CAB39L: variants seen among roughly 807,000 people sequenced by gnomAD.
CAB39L encodes calcium-binding protein 39-like.
In CAB39L, 23 loss-of-function variants were observed where a neutral mutation model predicts 39.1. That is an observed-to-expected ratio of 0.59 (90% CI 0.42 to 0.83). CAB39L has a LOEUF of 0.83. Among genes scored for constraint, CAB39L ranks in the 40% least tolerant of loss-of-function variants. The probability of loss-of-function intolerance (pLI) is 0.00; values close to 1 mark genes in which losing one functional copy is unlikely to be tolerated. For synonymous variants in CAB39L, 126 were observed against 137.2 expected (o/e 0.92, Z 0.57); for missense variants, 366 against 391.9 (o/e 0.93, Z 0.56).
intron 10 of CAB39L, among the ~76,000 whole-genome samples, chr13:49,314,012 C>T (rs1036416354): frequency 6.6e-6 from 1 of 152,144 alleles, no homozygotes; most frequent in African/African-American, 2.4e-5. Flanking sequence ...ATTACATTTC[C>T]GGGTTTGGAA....
At chr13:49,411,858 C>A (rs574336809) in intron 3 of CAB39L, among the ~76,000 whole-genome samples, 3 of 152,160 alleles carry the variant, frequency 2.0e-5, no homozygotes, top group Non-Finnish European at 4.4e-5. Context: ...TAGAAGGGAT[C>A]GAGGTCCTTT....
rs577532236 is a variant in CAB39L, at chr13:49,367,722, G to C, written c.277-7890C>G. 5.1e-4 allele frequency among the ~76,000 whole-genome samples: 77 copies of C among 152,246 alleles called. 1 individual carries two copies. Among genetic ancestry groups the C allele is most frequent in the African/African-American group, 1.7e-3 (72 of 41,550 alleles). Reference sequence around the variant, plus strand: ...AGTTGAACCCAGGAGTTTGAGACCAGTCTGGGCAACATGGTGAAACCCCAT... The same window carrying C: ...AGTTGAACCCAGGAGTTTGAGACCACTCTGGGCAACATGGTGAAACCCCAT... On this transcript the variant is annotated intron_variant, in intron 5 of 10. Coordinates refer to ENST00000409308, the MANE Select transcript of CAB39L (RefSeq NM_001079670.3).
intron 3 of CAB39L, among the ~76,000 whole-genome samples, chr13:49,385,406 T>G (rs1408637851): frequency 1.3e-5 from 2 of 152,224 alleles, no homozygotes; most frequent in African/African-American, 2.4e-5. Context: ...ACTGAAACTG[T>G]CTTCGTATTA....
chr13:49,351,304 CTACT>C (rs971822750), intron 6 of CAB39L, among the ~76,000 whole-genome samples: 3 of 114,390 alleles, frequency 2.6e-5, no homozygotes, highest in Non-Finnish European at 5.6e-5. Context: ...GTGTGAGTGA[CTACT>C]TAAGTTACTT....
intron 3 of CAB39L, among the ~76,000 whole-genome samples, chr13:49,424,323 A>G (rs79995528): frequency 6.6e-6 from 1 of 152,368 alleles, no homozygotes; most frequent in East Asian, 1.9e-4. Flanking sequence ...TCGTAACCCC[A>G]GTCTAATAAA....
At chr13:49,390,624 A>G (rs2146396) in intron 3 of CAB39L, among the ~76,000 whole-genome samples, 82,776 of 151,978 alleles carry the variant, frequency 0.54, 23,932 homozygotes, top group African/African-American at 0.72. Flanking sequence ...CAAAAGATAT[A>G]CTATGCTATC....
chr13:49,397,976 G>C (rs1343153391), intron 3 of CAB39L, among the ~76,000 whole-genome samples: 1 of 151,988 alleles, frequency 6.6e-6, no homozygotes, highest in African/African-American at 2.4e-5. Context: ...ATTAAGACAT[G>C]GTTTATACAA....
chr13:49,319,704 C>T (rs986814426), intron 10 of CAB39L, among the ~76,000 whole-genome samples: 1 of 150,910 alleles, frequency 6.6e-6, no homozygotes, highest in Non-Finnish European at 1.5e-5. Flanking sequence ...TATGTAATAC[C>T]TATCAGAAAT....
intron 3 of CAB39L, among the ~76,000 whole-genome samples, chr13:49,394,534 T>C: frequency 6.6e-6 from 1 of 152,066 alleles, no homozygotes; most frequent in East Asian, 1.9e-4. Flanking sequence ...TGGTAATCTG[T>C]CCTAGGAAAA....
chr13:49,329,440 G>A (rs560382653), intron 10 of CAB39L, among the ~76,000 whole-genome samples: 101 of 150,336 alleles, frequency 6.7e-4, no homozygotes, highest in African/African-American at 2.4e-3. Context: ...CCAGAGAGCC[G>A]AACACATGGA....
rs1436364936 is a variant in CAB39L, at chr13:49,318,416, G to GGGATCATACCAC, written c.835-7424_835-7423insGTGGTATGATCC. Among the ~76,000 whole-genome samples, 2 of 560 alleles carry GGGATCATACCAC rather than the reference G, an allele frequency of 3.6e-3. 1 individual carries two copies. Among genetic ancestry groups the GGGATCATACCAC allele is most frequent in the African/African-American group, 3.7e-3 (2 of 538 alleles). 0.4% of individuals were successfully genotyped at this position (560 alleles called of 152,430 possible). The stretch of plus-strand genomic sequence containing the variant: ...CGAGAAGTTGAGGCTGCAGTGAGCT[G>GGGATCATACCAC]TGATTCCAGCCCGGGTAACAGAGCA... On this transcript the variant is annotated intron_variant, in intron 10 of 10. Transcript: ENST00000409308.
At chr13:49,360,699 G>A (rs1161629655) in intron 5 of CAB39L, among the ~76,000 whole-genome samples, 1 of 152,164 alleles carries the variant, frequency 6.6e-6, no homozygotes, top group Non-Finnish European at 1.5e-5. Context: ...GACCTGGTGC[G>A]AGGTGATTGG....
intron 1 of CAB39L, among the ~76,000 whole-genome samples, chr13:49,437,531 G>A (rs1249136963): frequency 6.6e-6 from 1 of 152,058 alleles, no homozygotes; most frequent in African/African-American, 2.4e-5. Flanking sequence ...TATCCAGGGT[G>A]GGGCTTTCTC....
chr13:49,408,678 A>C (rs1377712516), intron 3 of CAB39L, among the ~76,000 whole-genome samples: 1 of 152,064 alleles, frequency 6.6e-6, no homozygotes, highest in Admixed American at 6.5e-5. Flanking sequence ...AATACATACA[A>C]AAATTAGTTG....
At chr13:49,421,090 G>A (rs1302634339) in intron 3 of CAB39L, among the ~76,000 whole-genome samples, 3 of 152,098 alleles carry the variant, frequency 2.0e-5, no homozygotes, top group Non-Finnish European at 4.4e-5. Flanking sequence ...GAGAAAACAT[G>A]GTAATGATAT....
intron 3 of CAB39L, among the ~76,000 whole-genome samples, chr13:49,392,356 G>C (rs1282676434): frequency 6.6e-6 from 1 of 151,136 alleles, no homozygotes; most frequent in Non-Finnish European, 1.5e-5. Context: ...AAAGGAAACA[G>C]AGGAACAGGC....
At chr13:49,350,998 G>T in intron 6 of CAB39L, 86 bp from the exon 7 acceptor site, 1 of 945,250 alleles carries the variant, frequency 1.1e-6, no homozygotes, top group Non-Finnish European at 1.5e-6. Flanking sequence ...TTTCAATACT[G>T]CTATTAATGG....
At chr13:49,368,569 A>C (rs867301940) in intron 5 of CAB39L, among the ~76,000 whole-genome samples, 2 of 152,216 alleles carry the variant, frequency 1.3e-5, no homozygotes, top group South Asian at 4.1e-4. Flanking sequence ...CCCTAAAAAT[A>C]TATTTGATAA....
chr13:49,392,432 T>C (rs887961140), intron 3 of CAB39L, among the ~76,000 whole-genome samples: 1 of 150,940 alleles, frequency 6.6e-6, no homozygotes, highest in African/African-American at 2.4e-5. Context: ...AGGTCAGGAG[T>C]TTGAGACCAG....
Sources: gnomAD v4.1 joint callset for allele counts (sites outside exome capture counted in the v4.1 genomes callset) on GRCh38, gnomAD v4.1.1 for gene constraint, MANE v1.5 for transcripts, NCBI Gene and HGNC (gene_info 2026-07-23, HGNC 2026-07-21) for gene names.